CALU: variants seen among roughly 807,000 people sequenced by gnomAD.
The protein encoded by CALU is IEF SSP 9302.
A neutral mutation model predicts 37.5 loss-of-function variants in CALU; 13 were observed. The ratio of observed to expected loss-of-function variants is 0.35; its 90% confidence interval spans 0.23 to 0.55. The LOEUF (loss-of-function observed/expected upper bound fraction) is 0.55. Among genes scored for constraint, CALU ranks in the 20% least tolerant of loss-of-function variants. The pLI, the probability that CALU is intolerant of heterozygous loss-of-function variation, is 0.89. For synonymous variants in CALU, 114 were observed against 133.8 expected (o/e 0.85, Z 1.02); for missense variants, 282 against 391.7 (o/e 0.72, Z 2.36).
chr7:128,767,517 G>A lies in CALU; in HGVS notation c.705G>A (p.Glu235=). ...DEPEWVKTER[E]QFVEFRDKNR... is the part of the protein sequence containing the mutation. Reference sequence around the variant, plus strand: ...CAGAATGGGTAAAGACAGAGCGAGAGCAGTTTGTTGAGTTTCGGGATAAGA... The same window carrying A: ...CAGAATGGGTAAAGACAGAGCGAGAACAGTTTGTTGAGTTTCGGGATAAGA... The change falls in exon 6 of 7, where the codon GAG becomes GAA. Residue 235 remains glutamate (E), a synonymous_variant. Transcript: ENST00000249364. 1 of 1,614,182 alleles carries A rather than the reference G, an allele frequency of 6.2e-7. No homozygotes were observed. Among genetic ancestry groups the A allele is most frequent in the Non-Finnish European group, 8.5e-7 (1 of 1,179,998 alleles).
chr7:128,747,014 C>T (rs530338696), intron 1 of CALU, among the ~76,000 whole-genome samples: 45 of 152,208 alleles, frequency 3.0e-4, no homozygotes, highest in African/African-American at 1.1e-3. Context: ...GTGATCCACC[C>T]GCCTCGGCCT....
intron 5 of CALU, among the ~76,000 whole-genome samples, chr7:128,765,785 G>C (rs1191298696): frequency 6.6e-6 from 1 of 152,174 alleles, no homozygotes; most frequent in East Asian, 1.9e-4. Context: ...TCCCTAGAGT[G>C]AAATGGGATT....
chr7:128,754,962 TTTTC>T (rs1264445091), intron 3 of CALU, among the ~76,000 whole-genome samples: 1 of 152,136 alleles, frequency 6.6e-6, no homozygotes, highest in Admixed American at 6.6e-5. Flanking sequence ...TTTTACCATT[TTTTC>T]TTTATGTCAT....
chr7:128,752,937 G>A (rs899448876), intron 2 of CALU, among the ~76,000 whole-genome samples: 4 of 152,122 alleles, frequency 2.6e-5, no homozygotes, highest in African/African-American at 4.8e-5. Context: ...TGATCTGCCC[G>A]CCTCGGCCTC....
At chr7:128,754,561 A>G in intron 3 of CALU, 106 bp downstream of exon 3, 1 of 1,554,750 alleles carries the variant, frequency 6.4e-7, no homozygotes, top group Non-Finnish European at 8.7e-7. Context: ...GCGGATAAAG[A>G]TGGGTTTGTG....
chr7:128,772,385 A>G lies in CALU; in HGVS notation c.*3218A>G. ...GTAGCTTTGTAGGCAAGAAGGCAAT[A>G]GTAAGAAAATGAAAAATTGACTCCC... On this transcript the variant is annotated 3_prime_UTR_variant, in exon 7 of 7. Transcript: ENST00000249364. 1.2e-6 allele frequency: 1 copy of G among 838,146 alleles called. No individual in the cohort carries two copies. Among genetic ancestry groups the G allele is most frequent in the Non-Finnish European group, 1.9e-6 (1 of 521,044 alleles). The allele number at this position is 838,146 out of a possible 1,614,324, so 51.9% of individuals were successfully genotyped here. A position where few individuals can be genotyped will look rare whatever the true frequency, so the allele number is the denominator to read the frequency against.
Position 128,770,853 on chromosome 7 carries a change from C to G in CALU, c.*1686C>G, listed in dbSNP as rs1801533458. On this transcript the variant is annotated 3_prime_UTR_variant, in exon 7 of 7. Transcript: ENST00000249364. ...GCTATATCTTTGTGGATAATACATT[C>G]AGGTGGTGCTGGGTGATTTATTATA... 1 of 152,558 alleles carries G rather than the reference C, an allele frequency of 6.6e-6. No homozygotes were observed. Among genetic ancestry groups the G allele is most frequent in the African/African-American group, 2.4e-5 (1 of 41,410 alleles). The allele number at this position is 152,558 out of a possible 1,614,324, so 9.5% of individuals were successfully genotyped here.
intron 5 of CALU, among the ~76,000 whole-genome samples, chr7:128,762,875 C>A (rs1333377887): frequency 1.3e-5 from 2 of 152,012 alleles, no homozygotes; most frequent in African/African-American, 2.4e-5. Context: ...CCATGTTGGC[C>A]AGGGTGATCT....
intron 1 of CALU, among the ~76,000 whole-genome samples, chr7:128,743,945 C>T (rs1800334512): frequency 6.6e-6 from 1 of 152,168 alleles, no homozygotes; most frequent in African/African-American, 2.4e-5. Flanking sequence ...GTAGCTCACA[C>T]CTGTAATCCC....
chr7:128,760,363 G>GC (rs1368932080), intron 5 of CALU, among the ~76,000 whole-genome samples: 3 of 152,092 alleles, frequency 2.0e-5, no homozygotes, highest in African/African-American at 7.2e-5. Flanking sequence ...ATAAATGTGA[G>GC]CCCCATATGT....
At chr7:128,753,664 CCTGT>C (rs560380964) in intron 2 of CALU, among the ~76,000 whole-genome samples, 6 of 152,200 alleles carry the variant, frequency 3.9e-5, no homozygotes, top group East Asian at 1.9e-4. Context: ...CAAGCATCTT[CCTGT>C]CTTTTTATCT....
intron 5 of CALU, among the ~76,000 whole-genome samples, chr7:128,765,943 TATC>T (rs1363516445): frequency 1.3e-5 from 2 of 152,184 alleles, no homozygotes; most frequent in Admixed American, 6.5e-5. Context: ...TCATGTAATC[TATC>T]ATCAAAAATT....
rs7792925 is a variant in CALU, at chr7:128,772,076, T to G, written c.*2909T>G. On this transcript the variant is annotated 3_prime_UTR_variant, in exon 7 of 7. Transcript: ENST00000249364. ...TGAGTTTTTTTTGTTTTTTTTTTTG[T>G]TTTGTTTTGTTTTTTCTTTATGTCT... is the stretch of plus-strand genomic sequence containing the variant. 0.022 allele frequency among the ~76,000 whole-genome samples: 1,286 copies of G among 58,398 alleles called. 21 individuals are homozygous for G. The highest frequency in any genetic ancestry group is 0.062 in the African/African-American group (1,226 of 19,652). 38.3% of individuals were successfully genotyped at this position (58,398 alleles called of 152,430 possible).
At chr7:128,757,346 A>G (rs916688137) in intron 3 of CALU, among the ~76,000 whole-genome samples, 13 of 142,682 alleles carry the variant, frequency 9.1e-5, no homozygotes, top group Non-Finnish European at 1.4e-4. Context: ...ATCTCAACCT[A>G]TTATGGCTTT....
chr7:128,763,316 G>T (rs532748846), intron 5 of CALU, among the ~76,000 whole-genome samples: 69 of 152,158 alleles, frequency 4.5e-4, no homozygotes, highest in Non-Finnish European at 7.4e-4. Flanking sequence ...GGATCACAAG[G>T]TCAGGAGTTA....
chr7:128,758,908 G>A lies in CALU; in HGVS notation c.453G>A (p.Gln151=). The change falls in exon 4 of 7, where the codon CAG becomes CAA. Residue 151 remains glutamine (Q), a synonymous_variant. Coordinates refer to ENST00000249364, the MANE Select transcript of CALU (RefSeq NM_001219.5). ...PDPDDGFNYK[Q]MMVRDERRFK... ...CTGATGATGGATTTAACTATAAACA[G>A]ATGATGGTTAGAGATGAGCGGAGGT... is the stretch of plus-strand genomic sequence containing the variant. The A allele has an allele frequency of 1.2e-6, 2 of 1,613,948 alleles. No individual in the cohort carries two copies. The highest frequency in any genetic ancestry group is 1.7e-6 in the Non-Finnish European group (2 of 1,179,856).
intron 3 of CALU, 133 bp from the exon 4 acceptor site, chr7:128,758,738 G>C (rs1399080874): frequency 9.2e-6 from 6 of 649,176 alleles, no homozygotes; most frequent in Non-Finnish European, 1.6e-5. Flanking sequence ...TTGTACTGCT[G>C]CAGTTTTACC....
intron 2 of CALU, among the ~76,000 whole-genome samples, chr7:128,751,556 C>G (rs1800675837): frequency 6.6e-6 from 1 of 151,472 alleles, no homozygotes; most frequent in African/African-American, 2.4e-5. Context: ...GGGAGACCCT[C>G]TCTCTACAAC....
chr7:128,772,418 C>T lies in CALU; in HGVS notation c.*3251C>T. ...AATGAAAAATTGACTCCCCAAACTG[C>T]CATCACTCCTTTTACCATCTTTTTT... On this transcript the variant is annotated 3_prime_UTR_variant, in exon 7 of 7. Transcript: ENST00000249364. 8.3e-7 allele frequency: 1 copy of T among 1,212,018 alleles called. No individual in the cohort carries two copies. The highest frequency in any genetic ancestry group is 2.5e-4 in the Middle Eastern group (1 of 3,972). 75.1% of individuals were successfully genotyped at this position (1,212,018 alleles called of 1,614,324 possible).
Sources: gnomAD v4.1 joint callset for allele counts (sites outside exome capture counted in the v4.1 genomes callset) on GRCh38, gnomAD v4.1.1 for gene constraint, MANE v1.5 for transcripts, NCBI Gene and HGNC (gene_info 2026-07-23, HGNC 2026-07-21) for gene names.